Variants in DARS1 observed in about 807,000 individuals in gnomAD.
DARS1 encodes aspartate--tRNA ligase, cytoplasmic.
In DARS1, 51 loss-of-function variants were observed where a neutral mutation model predicts 68.8. The observed-to-expected ratio is 0.74, with a 90% CI of 0.59 to 0.94. The LOEUF is 0.94. Among genes scored for constraint, DARS1 ranks in the 40% least tolerant of loss-of-function variants. DARS1 has a pLI of 0.00. For synonymous variants in DARS1, 203 were observed against 190.4 expected (o/e 1.07, Z -0.55); for missense variants, 607 against 597.3 (o/e 1.02, Z -0.17).
chr2:135,959,391 C>CA (rs66527494), intron 4 of DARS1, among the ~76,000 whole-genome samples: 239 of 15,032 alleles, frequency 0.016, 68 homozygotes, highest in Non-Finnish European at 0.024. Flanking sequence ...AACTCCGTCT[C>CA]AAAAAAAAAA....
intron 3 of DARS1, among the ~76,000 whole-genome samples, chr2:135,966,713 T>C (rs1362765861): frequency 6.6e-6 from 1 of 152,120 alleles, no homozygotes; most frequent in South Asian, 2.1e-4. Flanking sequence ...TGTATTTTTT[T>C]AGTAGAGATG....
intron 2 of DARS1, among the ~76,000 whole-genome samples, chr2:135,980,096 A>G (rs562045115): frequency 1.3e-5 from 2 of 152,306 alleles, no homozygotes; most frequent in South Asian, 4.1e-4. Context: ...CTGAGCCCCA[A>G]GATCCAATCA....
chr2:135,931,499 A>C (rs200425379), intron 7 of DARS1, among the ~76,000 whole-genome samples: 1 of 152,156 alleles, frequency 6.6e-6, no homozygotes, highest in Non-Finnish European at 1.5e-5. Context: ...CAGGCTCCCA[A>C]AGTGTTGGGA....
In DARS1 at chr2:135,961,431, G is replaced by C; in HGVS notation, c.285C>G (p.Asp95Glu). The change falls in exon 4 of 16, where the codon GAC (aspartate) becomes GAG (glutamate). Residue 95 changes from aspartate to glutamate, a missense_variant. Physicochemically the swap from Asp to Glu is conservative, Grantham distance 45. Transcript: ENST00000264161. ...FNVQALVAVG[D>E]HASKQMVKFA... Reference sequence around the variant, plus strand: ...ATTTAACCATCTGCTTGCTTGCATGGTCTCCCACCGCCACAAGAGCCTGGA... The same window carrying C: ...ATTTAACCATCTGCTTGCTTGCATGCTCTCCCACCGCCACAAGAGCCTGGA... 6.6e-7 allele frequency: 1 copy of C among 1,524,290 alleles called. No homozygotes were observed. Among genetic ancestry groups the C allele is most frequent in the South Asian group, 1.1e-5 (1 of 89,274 alleles). 94.4% of individuals were successfully genotyped at this position (1,524,290 alleles called of 1,614,324 possible).
rs189405713 is a variant in DARS1, at chr2:135,957,453, C to T, written c.320+3943G>A. Among the ~76,000 whole-genome samples, 1,166 of 152,120 alleles carry T rather than the reference C, an allele frequency of 7.7e-3. 3 individuals carry two copies. Among genetic ancestry groups the T allele is most frequent in the Middle Eastern group, 0.051 (15 of 294 alleles). On this transcript the variant is annotated intron_variant, in intron 4 of 15. Transcript: ENST00000264161. ...CAGGATGGTCTTGATCTCCTGACCT[C>T]GTGATCTGCCCGCCTCGGCCTCCCA...
chr2:135,918,031 T>C (rs749525620), intron 10 of DARS1, among the ~76,000 whole-genome samples: 1 of 152,128 alleles, frequency 6.6e-6, no homozygotes, highest in African/African-American at 2.4e-5. Flanking sequence ...GCAATTCTCC[T>C]GCCTCAGCCT....
chr2:135,939,412 G>C (rs1191556551), intron 5 of DARS1, among the ~76,000 whole-genome samples: 1 of 152,152 alleles, frequency 6.6e-6, no homozygotes, highest in Non-Finnish European at 1.5e-5. Flanking sequence ...AATGACTACT[G>C]AGTACATAAT....
intron 4 of DARS1, among the ~76,000 whole-genome samples, chr2:135,945,090 T>A (rs1681690703): frequency 6.6e-6 from 1 of 151,924 alleles, no homozygotes. Context: ...CCTTCCATTA[T>A]CAGACAGTCT....
chr2:135,940,766 G>T (rs1043320451), intron 5 of DARS1, among the ~76,000 whole-genome samples: 1 of 152,114 alleles, frequency 6.6e-6, no homozygotes, highest in African/African-American at 2.4e-5. Context: ...AAACCCCATC[G>T]TCTCAGGCCA....
intron 2 of DARS1, among the ~76,000 whole-genome samples, chr2:135,982,496 T>A (rs969180213): frequency 1.3e-5 from 2 of 151,078 alleles, no homozygotes; most frequent in African/African-American, 4.9e-5. Context: ...CTCAGGAGGC[T>A]GAGGCAGGAG....
chr2:135,982,863 G>C (rs919546482), intron 2 of DARS1, among the ~76,000 whole-genome samples: 1 of 152,164 alleles, frequency 6.6e-6, no homozygotes, highest in South Asian at 2.1e-4. Context: ...CAGACTCTGT[G>C]TAAGTCAAGT....
intron 4 of DARS1, among the ~76,000 whole-genome samples, chr2:135,950,865 G>A (rs1161500847): frequency 1.3e-5 from 2 of 152,196 alleles, no homozygotes; most frequent in African/African-American, 4.8e-5. Context: ...CTTTGGGACA[G>A]GGGAGTTTGT....
chr2:135,932,758 C>A, intron 7 of DARS1, 25 bp downstream of exon 7: 1 of 1,057,186 alleles, frequency 9.5e-7, no homozygotes, highest in Non-Finnish European at 1.5e-6. Flanking sequence ...ATAATTGCTT[C>A]ACTTAATAAA....
rs924301412 is a variant in DARS1, at chr2:135,922,670, T to C, written c.811+114A>G. ...GTCTAGCATTTGTGTAGTCAGCAGA[T>C]AAAATAATTTAAGCTTTCAAAGTGT... On this transcript the variant is annotated intron_variant, in intron 9 of 15. Coordinates refer to ENST00000264161, the MANE Select transcript of DARS1 (RefSeq NM_001349.4). 9.9e-6 allele frequency: 13 copies of C among 1,306,656 alleles called. No homozygotes were observed. In the African/African-American group the frequency reaches 1.5e-4, roughly 15 times the overall value. 80.9% of individuals were successfully genotyped at this position (1,306,656 alleles called of 1,614,324 possible). A position where few individuals can be genotyped will look rare whatever the true frequency, so the allele number is the denominator to read the frequency against.
chr2:135,922,121 T>C (rs1439209959), intron 9 of DARS1, among the ~76,000 whole-genome samples: 3 of 152,138 alleles, frequency 2.0e-5, no homozygotes, highest in Non-Finnish European at 4.4e-5. Flanking sequence ...TTAAAAACCA[T>C]ATTAATATAA....
intron 5 of DARS1, among the ~76,000 whole-genome samples, chr2:135,937,314 C>T (rs1681492173): frequency 6.6e-6 from 1 of 151,838 alleles, no homozygotes; most frequent in Non-Finnish European, 1.5e-5. Context: ...GTTTTGAACT[C>T]CTGACCTCAA....
At chr2:135,921,280 CAAAA>C (rs1172474298) in intron 9 of DARS1, among the ~76,000 whole-genome samples, 2 of 151,138 alleles carry the variant, frequency 1.3e-5, no homozygotes, top group Non-Finnish European at 3.0e-5. Context: ...ATAAAATGAC[CAAAA>C]AAACCCTAAA....
In DARS1 at chr2:135,985,101, G is replaced by A. The variant is rs775311324; in HGVS notation, c.66+302C>T. ...TTACGTGCAGGACGTGCCTAACCCA[G>A]AGAGACTCAAGTGTGACGCCGCGCT... On this transcript the variant is annotated intron_variant, in intron 1 of 15. Coordinates refer to ENST00000264161, the MANE Select transcript of DARS1 (RefSeq NM_001349.4). The A allele has an allele frequency of 6.3e-6, 3 of 479,300 alleles. No individual in the cohort carries two copies. In the South Asian group the frequency reaches 1.0e-4, roughly 16 times the overall value. The allele number at this position is 479,300 out of a possible 1,614,324, so 29.7% of individuals were successfully genotyped here. A position where few individuals can be genotyped will look rare whatever the true frequency, so the allele number is the denominator to read the frequency against.
intron 3 of DARS1, among the ~76,000 whole-genome samples, chr2:135,973,160 TG>T (rs1230299183): frequency 6.6e-6 from 1 of 152,176 alleles, no homozygotes; most frequent in Non-Finnish European, 1.5e-5. Context: ...AGCCAATATT[TG>T]GAAGCAACCT....
Sources: gnomAD v4.1 joint callset for allele counts (sites outside exome capture counted in the v4.1 genomes callset) on GRCh38, gnomAD v4.1.1 for gene constraint, MANE v1.5 for transcripts, NCBI Gene and HGNC (gene_info 2026-07-23, HGNC 2026-07-21) for gene names.